The following TNKS variants were observed in gnomAD, a reference collection of about 807,000 sequenced individuals.
TNKS encodes the protein poly [ADP-ribose] polymerase tankyrase-1.
A neutral mutation model predicts 135.8 loss-of-function variants in TNKS; 72 were observed. The ratio of observed to expected loss-of-function variants is 0.53; its 90% confidence interval spans 0.44 to 0.64. The LOEUF (loss-of-function observed/expected upper bound fraction) is 0.64, where lower values mean the gene tolerates loss of function less well. TNKS is among the 30% of genes least tolerant of loss of function. The probability of loss-of-function intolerance (pLI) is 0.00; values close to 1 mark genes in which losing one functional copy is unlikely to be tolerated. For synonymous variants in TNKS, 849 were observed against 649.3 expected (o/e 1.31, Z -4.68); for missense variants, 1,769 against 1,674.0 (o/e 1.06, Z -0.99).
In TNKS at chr8:9,748,229, G is replaced by A. The variant is rs369334235; in HGVS notation, c.2832+17G>A. ...CTGGCAACAGTAAGTCCTCATTTCA[G>A]ATACTGATTATTGTTCCTTCTACTT... On this transcript the variant is annotated intron_variant, in intron 18 of 26. Transcript: ENST00000310430. 71 of 1,486,070 alleles carry A rather than the reference G, an allele frequency of 4.8e-5. 1 individual carries two copies. The highest frequency in any genetic ancestry group is 4.1e-5 in the South Asian group (3 of 72,962). The allele number at this position is 1,486,070 out of a possible 1,614,324, so 92.1% of individuals were successfully genotyped here. A position where few individuals can be genotyped will look rare whatever the true frequency, so the allele number is the denominator to read the frequency against.
intron 1 of TNKS, among the ~76,000 whole-genome samples, chr8:9,565,832 G>C (rs1198282276): frequency 6.6e-6 from 1 of 152,042 alleles, no homozygotes; most frequent in East Asian, 1.9e-4. Flanking sequence ...ACTCCAGCCT[G>C]GGTGACAGAG....
chr8:9,632,944 T>A (rs999109485), intron 3 of TNKS, among the ~76,000 whole-genome samples: 5 of 152,128 alleles, frequency 3.3e-5, no homozygotes, highest in Non-Finnish European at 7.4e-5. Context: ...TTAGCCAGGA[T>A]GGTCTCAATC....
At chr8:9,623,373 T>C (rs1484258634) in intron 3 of TNKS, among the ~76,000 whole-genome samples, 1 of 152,068 alleles carries the variant, frequency 6.6e-6, no homozygotes, top group African/African-American at 2.4e-5. Context: ...ACCTCAGAGT[T>C]AGTGCAGATT....
rs776658532 is a variant in TNKS at position 9,748,004 on chromosome 8, A to G, written c.2644-20A>G. The G allele has an allele frequency of 4.4e-6, 7 of 1,592,898 alleles. No homozygotes were observed. The highest frequency in any genetic ancestry group is 2.3e-5 in the East Asian group (1 of 44,320). On this transcript the variant is annotated intron_variant, in intron 17 of 26. Coordinates refer to ENST00000310430, the MANE Select transcript of TNKS (RefSeq NM_003747.3). ...GATGATCTCATTCTTAACTCTTTGT[A>G]TCCTTTTCTTTTTTTTCAGCATGTT...
chr8:9,634,322 A>C (rs777392274), intron 3 of TNKS, among the ~76,000 whole-genome samples: 4 of 152,152 alleles, frequency 2.6e-5, no homozygotes, highest in African/African-American at 4.8e-5. Context: ...ATTTGAATGT[A>C]AGCAGAAATA....
chr8:9,766,503 TGAGA>T, intron 25 of TNKS, 78 bp downstream of exon 25: 1 of 1,106,732 alleles, frequency 9.0e-7, no homozygotes, highest in Non-Finnish European at 1.2e-6. Context: ...TTTTTTTTTT[TGAGA>T]TGAAGTCTTG....
chr8:9,680,886 C>G, intron 5 of TNKS, 86 bp downstream of exon 5: 1 of 918,902 alleles, frequency 1.1e-6, no homozygotes, highest in Non-Finnish European at 1.7e-6. Context: ...GCACGTATAC[C>G]TACATGGCTT....
intron 3 of TNKS, among the ~76,000 whole-genome samples, chr8:9,678,200 G>C (rs1802626703): frequency 6.6e-6 from 1 of 152,174 alleles, no homozygotes; most frequent in African/African-American, 2.4e-5. Context: ...ACATTTTATA[G>C]ATACATTGCG....
rs1445708182 is a variant in TNKS, at chr8:9,705,236, C to G, written c.1202+479C>G. Among the ~76,000 whole-genome samples the G allele has an allele frequency of 3.9e-5, 6 of 152,014 alleles. No individual in the cohort carries two copies. In the South Asian group the frequency reaches 1.2e-3, roughly 32 times the overall value. On this transcript the variant is annotated intron_variant, in intron 6 of 26. Coordinates refer to ENST00000310430, the MANE Select transcript of TNKS (RefSeq NM_003747.3). ...TGATGTGAGGGGATATGGGTGGTAA[C>G]TAAAAAAGCAGTTATGTCATTTATT...
intron 3 of TNKS, among the ~76,000 whole-genome samples, chr8:9,668,454 T>G (rs1802106171): frequency 6.6e-6 from 1 of 152,234 alleles, no homozygotes; most frequent in Admixed American, 6.5e-5. Context: ...GTTAAGAACT[T>G]CTGATGTACA....
intron 26 of TNKS, among the ~76,000 whole-genome samples, chr8:9,775,772 C>G (rs764756894): frequency 7.9e-5 from 12 of 151,858 alleles, no homozygotes; most frequent in Non-Finnish European, 1.5e-4. Context: ...ATTGAACAAA[C>G]TATTTTTGGT....
In TNKS at chr8:9,584,568, C is replaced by T. The variant is rs142997269; in HGVS notation, c.898+4185C>T. Among the ~76,000 whole-genome samples the T allele has an allele frequency of 6.2e-3, 945 of 152,290 alleles. 14 individuals carry two copies. Among genetic ancestry groups the T allele is most frequent in the South Asian group, 0.036 (172 of 4,824 alleles). On this transcript the variant is annotated intron_variant, in intron 2 of 26. Coordinates refer to ENST00000310430, the MANE Select transcript of TNKS (RefSeq NM_003747.3). ...GTTTCTAAGGTTGGTCCTCTACTCT[C>T]CTGTCATTTCAGTCTAAGATAGACA...
At chr8:9,630,762 C>G (rs1290375826) in intron 3 of TNKS, among the ~76,000 whole-genome samples, 3 of 152,118 alleles carry the variant, frequency 2.0e-5, no homozygotes, top group Non-Finnish European at 4.4e-5. Flanking sequence ...TTTCTGTAGT[C>G]TAGGCAGAAT....
At chr8:9,727,957 A>G (rs1216109223) in intron 13 of TNKS, among the ~76,000 whole-genome samples, 1 of 152,216 alleles carries the variant, frequency 6.6e-6, no homozygotes, top group Non-Finnish European at 1.5e-5. Flanking sequence ...CTTGAAATGT[A>G]TTCTAATAAA....
At chr8:9,619,044 A>G (rs1459358947) in intron 3 of TNKS, among the ~76,000 whole-genome samples, 3 of 152,148 alleles carry the variant, frequency 2.0e-5, no homozygotes, top group African/African-American at 4.8e-5. Flanking sequence ...ACATTTAGGT[A>G]GGTTGTTTTC....
At chr8:9,722,051 C>G (rs1378646254) in intron 12 of TNKS, among the ~76,000 whole-genome samples, 1 of 109,162 alleles carries the variant, frequency 9.2e-6, no homozygotes, top group Non-Finnish European at 2.0e-5. Flanking sequence ...AGCGAGACTC[C>G]ATCTCAACAA....
intron 25 of TNKS, among the ~76,000 whole-genome samples, chr8:9,767,974 AAAG>A (rs1807568671): frequency 6.6e-6 from 1 of 151,930 alleles, no homozygotes; most frequent in African/African-American, 2.4e-5. Context: ...AAAAAAAAAA[AAAG>A]AATACAGAGA....
chr8:9,742,894 TA>T (rs1806042009), intron 17 of TNKS, among the ~76,000 whole-genome samples: 1 of 151,854 alleles, frequency 6.6e-6, no homozygotes, highest in African/African-American at 2.4e-5. Context: ...ATAAAAAGTT[TA>T]AAAAGCTACT....
chr8:9,753,939 G>T (rs1242894905), intron 20 of TNKS, among the ~76,000 whole-genome samples: 1 of 152,218 alleles, frequency 6.6e-6, no homozygotes, highest in African/African-American at 2.4e-5. Context: ...CTGTAGGGGA[G>T]AATCTATTCC....
Sources: gnomAD v4.1 joint callset for allele counts (sites outside exome capture counted in the v4.1 genomes callset) on GRCh38, gnomAD v4.1.1 for gene constraint, MANE v1.5 for transcripts, NCBI Gene and HGNC (gene_info 2026-07-23, HGNC 2026-07-21) for gene names.